The following PLSCR2 variants were observed in gnomAD, a reference collection of about 807,000 sequenced individuals.
PLSCR2 encodes PL scramblase 2.
In PLSCR2, 18 loss-of-function variants were observed where a neutral mutation model predicts 25.3. The observed-to-expected ratio is 0.71, with a 90% confidence interval of 0.49 to 1.06. PLSCR2 has a LOEUF of 1.06. Ranked by LOEUF, PLSCR2 falls within the 50% of genes least tolerant of loss-of-function variation. PLSCR2 has a pLI of 0.00. For missense variants in PLSCR2, 243 were observed against 269.5 expected (o/e 0.90, Z 0.69); for synonymous variants, 88 against 87.3 (o/e 1.01, Z -0.04).
At chr3:146,479,738 A>C (rs1263909915) in intron 1 of PLSCR2, among the ~76,000 whole-genome samples, 1 of 152,220 alleles carries the variant, frequency 6.6e-6, no homozygotes, top group South Asian at 2.1e-4. Flanking sequence ...AAGCAGATCT[A>C]ATAGACATCT....
At chr3:146,488,592 A>G (rs1485779923) in intron 1 of PLSCR2, among the ~76,000 whole-genome samples, 2 of 152,212 alleles carry the variant, frequency 1.3e-5, no homozygotes, top group Admixed American at 6.5e-5. Flanking sequence ...ATCACTGATC[A>G]CTAGAGAAAT....
intron 5 of PLSCR2, among the ~76,000 whole-genome samples, chr3:146,449,608 T>C (rs566627525): frequency 1.3e-5 from 2 of 151,586 alleles, no homozygotes; most frequent in South Asian, 4.1e-4. Context: ...TAACATTTTC[T>C]ACTTTATATT....
rs534039271 is a variant in PLSCR2, at chr3:146,495,881, A to G, written c.-293+14T>C. Reference sequence around the variant, plus strand: ...AAGCACGTTAGTCTCTGGAAACTACATGTCATTGGCTACCTGGGAGGTGAA... The same window carrying G: ...AAGCACGTTAGTCTCTGGAAACTACGTGTCATTGGCTACCTGGGAGGTGAA... On this transcript the variant is annotated intron_variant, in intron 1 of 8. Transcript: ENST00000336685. 7.8e-6 allele frequency: 12 copies of G among 1,532,588 alleles called. No homozygotes were observed. The East Asian group carries it at 2.7e-4, about 34-fold the overall frequency. 94.9% of individuals were successfully genotyped at this position (1,532,588 alleles called of 1,614,324 possible).
chr3:146,448,820 T>A (rs2040717768), intron 6 of PLSCR2, among the ~76,000 whole-genome samples: 1 of 152,230 alleles, frequency 6.6e-6, no homozygotes, highest in Admixed American at 6.5e-5. Context: ...CACTTTATAA[T>A]CCCATGTTAG....
intron 2 of PLSCR2, among the ~76,000 whole-genome samples, chr3:146,402,111 AT>A (rs2038493005): frequency 6.6e-6 from 1 of 152,070 alleles, no homozygotes; most frequent in Non-Finnish European, 1.5e-5. Flanking sequence ...AGTTTTAGGC[AT>A]CAAATGTTCA....
intron 2 of PLSCR2, among the ~76,000 whole-genome samples, chr3:146,420,931 C>A (rs1438378450): frequency 1.3e-5 from 2 of 151,992 alleles, no homozygotes; most frequent in Non-Finnish European, 2.9e-5. Context: ...TAGTTCAAAT[C>A]TCATCTCAGT....
chr3:146,445,056 T>A (rs1310898578), intron 6 of PLSCR2, among the ~76,000 whole-genome samples: 1 of 152,150 alleles, frequency 6.6e-6, no homozygotes, highest in Non-Finnish European at 1.5e-5. Context: ...AAATCTACAC[T>A]TTAATTTCAT....
chr3:146,488,872 G>A (rs1466712307), intron 1 of PLSCR2, among the ~76,000 whole-genome samples: 3 of 152,154 alleles, frequency 2.0e-5, no homozygotes, highest in Non-Finnish European at 2.9e-5. Context: ...GCACATGTAT[G>A]TTAATTGCAG....
intron 1 of PLSCR2, among the ~76,000 whole-genome samples, chr3:146,477,254 C>T (rs546021220): frequency 4.6e-5 from 7 of 152,156 alleles, no homozygotes; most frequent in Admixed American, 6.5e-5. Context: ...GTGCAGCCCA[C>T]GGAGGGTGAC....
At chr3:146,474,962 T>C (rs2042235668) in intron 1 of PLSCR2, among the ~76,000 whole-genome samples, 1 of 151,912 alleles carries the variant, frequency 6.6e-6, no homozygotes, top group Non-Finnish European at 1.5e-5. Context: ...TTCATGAAGT[T>C]CTTGTGCTGT....
intron 2 of PLSCR2, among the ~76,000 whole-genome samples, chr3:146,404,613 G>A (rs2038588581): frequency 6.6e-6 from 1 of 152,096 alleles, no homozygotes; most frequent in Admixed American, 6.5e-5. Flanking sequence ...CCACCCAATA[G>A]TCTCAAAGCA....
intron 8 of PLSCR2, 135 bp from the exon 8 acceptor site, chr3:146,433,652 A>T (rs2039644141): frequency 6.6e-6 from 1 of 152,194 alleles, no homozygotes; most frequent in Non-Finnish European, 1.5e-5. Context: ...TAATTGGCAC[A>T]ACTAAAGCCA....
At chr3:146,400,158 T>C (rs764377540) in intron 2 of PLSCR2, among the ~76,000 whole-genome samples, 1 of 151,760 alleles carries the variant, frequency 6.6e-6, no homozygotes, top group Non-Finnish European at 1.5e-5. Context: ...AATTTATACA[T>C]ACAAATAAAA....
intron 2 of PLSCR2, among the ~76,000 whole-genome samples, chr3:146,404,844 G>A (rs1009825663): frequency 2.0e-5 from 3 of 148,716 alleles, no homozygotes; most frequent in African/African-American, 4.9e-5. Context: ...TGGTTAACTG[G>A]TCCCAGGTAA....
chr3:146,402,471 T>A (rs1429515798), intron 2 of PLSCR2, among the ~76,000 whole-genome samples: 2 of 151,470 alleles, frequency 1.3e-5, no homozygotes, highest in African/African-American at 4.9e-5. Flanking sequence ...ATTCTGGTGT[T>A]TTTTTTTTCT....
At chr3:146,492,724 A>T (rs2043594837) in intron 1 of PLSCR2, among the ~76,000 whole-genome samples, 1 of 151,990 alleles carries the variant, frequency 6.6e-6, no homozygotes, top group African/African-American at 2.4e-5. Flanking sequence ...AGCTAACATC[A>T]CACCTGGAGG....
chr3:146,442,789 C>T (rs1275600722), intron 6 of PLSCR2, among the ~76,000 whole-genome samples: 1 of 151,908 alleles, frequency 6.6e-6, no homozygotes, highest in Non-Finnish European at 1.5e-5. Flanking sequence ...TCATTTCACA[C>T]CATATACAAA....
intron 2 of PLSCR2, among the ~76,000 whole-genome samples, chr3:146,410,853 CT>C (rs1184078358): frequency 2.0e-5 from 3 of 152,178 alleles, no homozygotes; most frequent in Admixed American, 6.5e-5. Flanking sequence ...GCCGCTCCCC[CT>C]GAGGGGACTT....
At chr3:146,439,505 T>C (rs1382865412), downstream of PLSCR2, among the ~76,000 whole-genome samples, 1 of 152,186 alleles carries the variant, frequency 6.6e-6, no homozygotes, top group Non-Finnish European at 1.5e-5. Flanking sequence ...ACTTCTCTTC[T>C]CTCTTCATTT....
Sources: allele counts gnomAD v4.1 joint callset (sites outside exome capture counted in the v4.1 genomes callset), GRCh38; gene constraint gnomAD v4.1.1; transcripts MANE v1.5; gene names NCBI Gene and HGNC (gene_info 2026-07-23, HGNC 2026-07-21).